The following FMN2 variants were observed in gnomAD, a reference collection of about 807,000 sequenced individuals.
The protein encoded by FMN2 is formin 2, also known as formin-2.
FMN2 carries 51 observed loss-of-function variants against 142.3 expected under a neutral mutation model. The ratio of observed to expected loss-of-function variants is 0.36; its 90% CI spans 0.29 to 0.45. The LOEUF (loss-of-function observed/expected upper bound fraction) is 0.45, where lower values mean the gene tolerates loss of function less well. Ranked by LOEUF, FMN2 falls within the 20% of genes least tolerant of loss-of-function variation. The pLI, the probability that FMN2 is intolerant of heterozygous loss-of-function variation, is 1.00. For synonymous variants in FMN2, 882 were observed against 869.8 expected, an observed-to-expected ratio of 1.01 and a Z score of -0.25; for missense variants, 1,936 against 2,122.8, an observed-to-expected ratio of 0.91 and a Z score of 1.73.
intron 2 of FMN2, among the ~76,000 whole-genome samples, chr1:240,165,062 A>T (rs1251927604): frequency 6.6e-6 from 1 of 152,052 alleles, no homozygotes; most frequent in Non-Finnish European, 1.5e-5. Flanking sequence ...TTTTTTATTC[A>T]GCTGCTTCTA....
intron 1 of FMN2, among the ~76,000 whole-genome samples, chr1:240,119,860 C>A (rs1342866861): frequency 6.6e-6 from 1 of 152,022 alleles, no homozygotes; most frequent in Non-Finnish European, 1.5e-5. Flanking sequence ...ATTATCTGAG[C>A]GGTAGGAAAG....
chr1:240,427,773 T>C (rs1175318787), intron 15 of FMN2, among the ~76,000 whole-genome samples: 1 of 152,202 alleles, frequency 6.6e-6, no homozygotes, highest in Admixed American at 6.5e-5. Flanking sequence ...CTCTAGATAC[T>C]CGATCAGCTT....
intron 2 of FMN2, chr1:240,142,620 A>G (rs1369634203): frequency 8.5e-6 from 13 of 1,536,378 alleles, no homozygotes; most frequent in Non-Finnish European, 1.2e-5. Flanking sequence ...AGCAGGATGC[A>G]TGGCCCACTG....
At chr1:240,128,275 T>G (rs1662591915) in intron 2 of FMN2, among the ~76,000 whole-genome samples, 1 of 152,192 alleles carries the variant, frequency 6.6e-6, no homozygotes, top group Non-Finnish European at 1.5e-5. Flanking sequence ...TCCCTTTTTT[T>G]GGGTCATATG....
At chr1:240,136,962 A>C (rs1053227372) in intron 2 of FMN2, among the ~76,000 whole-genome samples, 5 of 150,308 alleles carry the variant, frequency 3.3e-5, no homozygotes, top group Non-Finnish European at 7.4e-5. Context: ...CCCAGCTACT[A>C]GGGAGGCTGA....
chr1:240,466,242 A>T (rs1258785912), intron 16 of FMN2, among the ~76,000 whole-genome samples: 1 of 152,114 alleles, frequency 6.6e-6, no homozygotes, highest in African/African-American at 2.4e-5. Context: ...AAATAGTCTA[A>T]TTTTCCTAGA....
intron 6 of FMN2, among the ~76,000 whole-genome samples, chr1:240,214,542 C>T (rs1666817902): frequency 8.1e-6 from 1 of 123,638 alleles, no homozygotes; most frequent in Admixed American, 8.1e-5. Flanking sequence ...TAGAGTGAGA[C>T]TCCATCTCAA....
chr1:240,395,234 GAA>G (rs947254208), intron 15 of FMN2, among the ~76,000 whole-genome samples: 4 of 152,158 alleles, frequency 2.6e-5, no homozygotes, highest in African/African-American at 9.7e-5. Context: ...AGGAAAAAAA[GAA>G]AAGATTGCCT....
rs188226818 is a variant in FMN2, at chr1:240,142,409, T to C, written c.1782+19064T>C. Among the ~76,000 whole-genome samples, 66 of 152,288 alleles carry C rather than the reference T, an allele frequency of 4.3e-4. No individual in the cohort carries two copies. The East Asian group carries it at 6.6e-3, about 15-fold the overall frequency. On this transcript the variant is annotated intron_variant, in intron 2 of 17. Coordinates refer to ENST00000319653, the MANE Select transcript of FMN2 (RefSeq NM_020066.5). The stretch of plus-strand genomic sequence containing the variant: ...GTATTTTGATTATATTTACTGAAGA[T>C]GGATGGACAAGAAGACTTCTGAGCC...
chr1:240,180,287 C>T lies in FMN2; in HGVS notation c.1930+2219C>T, dbSNP rs1321267675. 4.5e-6 allele frequency: 3 copies of T among 673,864 alleles called. No homozygotes were observed. In the African/African-American group the frequency reaches 5.8e-5, roughly 13 times the overall value. The allele number at this position is 673,864 out of a possible 1,614,324, so 41.7% of individuals were successfully genotyped here. A position where few individuals can be genotyped will look rare whatever the true frequency, so the allele number is the denominator to read the frequency against. ...GAGTGATCTAATGGGTCTTTCTAAA[C>T]TTCTTCTGTTGTGACTCCCTGACGT... On this transcript the variant is annotated intron_variant, in intron 3 of 17. Transcript: ENST00000319653.
intron 6 of FMN2, among the ~76,000 whole-genome samples, chr1:240,233,813 C>T (rs988812234): frequency 1.9e-4 from 29 of 152,168 alleles, no homozygotes; most frequent in African/African-American, 5.8e-4. Flanking sequence ...AAGAGGCAGG[C>T]GGACTCACAC....
At chr1:240,320,667 G>A (rs1670941601) in intron 8 of FMN2, among the ~76,000 whole-genome samples, 1 of 152,158 alleles carries the variant, frequency 6.6e-6, no homozygotes, top group Admixed American at 6.5e-5. Context: ...GCTTAAGTAT[G>A]GGGGTGGGTG....
intron 1 of FMN2, among the ~76,000 whole-genome samples, chr1:240,103,716 G>A (rs1334350882): frequency 2.0e-5 from 3 of 151,918 alleles, no homozygotes; most frequent in Non-Finnish European, 4.4e-5. Flanking sequence ...TCCACAACCT[G>A]CGTTTCTCCA....
At chr1:240,112,566 C>A (rs1429547445) in intron 1 of FMN2, among the ~76,000 whole-genome samples, 3 of 152,178 alleles carry the variant, frequency 2.0e-5, no homozygotes, top group Non-Finnish European at 1.5e-5. Context: ...CTTTGCCCGT[C>A]TCCTGCCCTT....
intron 2 of FMN2, among the ~76,000 whole-genome samples, chr1:240,124,675 C>CT (rs967840507): frequency 1.1e-4 from 17 of 148,970 alleles, no homozygotes; most frequent in East Asian, 2.0e-4. Context: ...AATGATTTTT[C>CT]TTTTTTTTTT....
At chr1:240,220,807 G>C (rs1667081941) in intron 6 of FMN2, among the ~76,000 whole-genome samples, 1 of 152,060 alleles carries the variant, frequency 6.6e-6, no homozygotes, top group Non-Finnish European at 1.5e-5. Flanking sequence ...ATGGTGGTTT[G>C]CTGCACCCAT....
chr1:240,293,696 A>AT (rs1669868296), intron 7 of FMN2, among the ~76,000 whole-genome samples: 1 of 152,056 alleles, frequency 6.6e-6, no homozygotes, highest in Admixed American at 6.6e-5. Flanking sequence ...TTCACACCTA[A>AT]TTTTTTTGGA....
At chr1:240,399,858 C>T (rs182528962) in intron 15 of FMN2, among the ~76,000 whole-genome samples, 26 of 152,214 alleles carry the variant, frequency 1.7e-4, no homozygotes, top group African/African-American at 6.3e-4. Flanking sequence ...CTCCTTCTTA[C>T]ACAGCAGGAG....
intron 8 of FMN2, among the ~76,000 whole-genome samples, chr1:240,298,783 G>A (rs1280471209): frequency 3.3e-5 from 5 of 152,076 alleles, no homozygotes; most frequent in Non-Finnish European, 7.4e-5. Flanking sequence ...CCACAAAACT[G>A]GTCCCTGGTG....
Sources: gnomAD v4.1 joint callset for allele counts (sites outside exome capture counted in the v4.1 genomes callset) on GRCh38, gnomAD v4.1.1 for gene constraint, MANE v1.5 for transcripts, NCBI Gene and HGNC (gene_info 2026-07-23, HGNC 2026-07-21) for gene names.